PKP1: variants seen among roughly 807,000 people sequenced by gnomAD.
PKP1 encodes the protein plakophilin-1.
Under a neutral mutation model 76.4 loss-of-function variants are expected in PKP1, and 27 were observed. That is an observed-to-expected ratio of 0.35 (90% CI 0.26 to 0.49). PKP1 has a LOEUF of 0.49. PKP1 is among the 20% of genes least tolerant of loss of function. The pLI is 0.99. For missense variants in PKP1, 964 were observed against 955.2 expected (o/e 1.01, Z -0.12); for synonymous variants, 404 against 384.2 (o/e 1.05, Z -0.60).
chr1:201,318,894 A>C, intron 6 of PKP1, 99 bp downstream of exon 6: 2 of 1,016,196 alleles, frequency 2.0e-6, no homozygotes, highest in Non-Finnish European at 3.0e-6. Context: ...ATAGAACATA[A>C]CAGACAACCC....
chr1:201,316,498 C>T, intron 3 of PKP1, 55 bp from the exon 4 acceptor site: 1 of 1,544,912 alleles, frequency 6.5e-7, no homozygotes, highest in Non-Finnish European at 8.8e-7. Context: ...TCTGAGCCCC[C>T]TCAGCAGGGC....
intron 2 of PKP1, among the ~76,000 whole-genome samples, chr1:201,302,782 G>A (rs938358050): frequency 6.6e-6 from 1 of 152,256 alleles, no homozygotes; most frequent in Non-Finnish European, 1.5e-5. Flanking sequence ...GTGCCCAAGG[G>A]CGAGGCCTGG....
chr1:201,311,726 AGGCCCTAGGTTGCT>A (rs1467605866), intron 2 of PKP1, among the ~76,000 whole-genome samples: 2 of 152,206 alleles, frequency 1.3e-5, no homozygotes, highest in Non-Finnish European at 2.9e-5. Flanking sequence ...GTGGGCGGGC[AGGCCCTAGGTTGCT>A]GGGTTTGGCC....
chr1:201,301,876 G>A (rs36035870), intron 2 of PKP1, among the ~76,000 whole-genome samples: 3 of 152,060 alleles, frequency 2.0e-5, no homozygotes, highest in Non-Finnish European at 2.9e-5. Flanking sequence ...TGCAGCACAC[G>A]CTAACTTAAA....
At chr1:201,302,094 C>A (rs706494) in intron 2 of PKP1, among the ~76,000 whole-genome samples, 27,012 of 152,176 alleles carry the variant, frequency 0.18, 2,568 homozygotes, top group East Asian at 0.24. Flanking sequence ...CTCCAACCCG[C>A]GGCACCTGGT....
At position 201,331,921 on chromosome 1, in the gene PKP1, A is replaced by C. The variant is rs1657336220; in HGVS notation, c.*1880A>C. 1.3e-5 allele frequency: 2 copies of C among 152,480 alleles called. No individual in the cohort carries two copies. The highest frequency in any genetic ancestry group is 4.1e-4 in the South Asian group (2 of 4,822). 9.4% of individuals were successfully genotyped at this position (152,480 alleles called of 1,614,324 possible). A position where few individuals can be genotyped will look rare whatever the true frequency, so the allele number is the denominator to read the frequency against. ...CTGGACTGTCCTGGGCATAGGTTTC[A>C]GGGGCCTCCTTTGTTGTCATCAGAA... On this transcript the variant is annotated 3_prime_UTR_variant, in exon 14 of 14. Transcript: ENST00000367324.
Position 201,313,359 on chromosome 1 carries a change from T to C in PKP1, c.500T>C (p.Leu167Pro), listed in dbSNP as rs1488884276. Residue 167 changes from leucine (L) to proline (P), a missense_variant, in exon 3 of 14, where the codon CTG becomes CCG. Physicochemically the swap from Leu to Pro is moderately conservative, Grantham distance 98. Transcript: ENST00000367324. ...PDLYCDPRGT[L>P]RKGTLGSKGQ... The stretch of plus-strand genomic sequence containing the variant: ...CTCTACTGTGACCCACGGGGCACCC[T>C]GCGCAAGGGCACGCTGGGCAGCAAG... 2.5e-6 allele frequency: 4 copies of C among 1,583,834 alleles called. No individual in the cohort carries two copies. Among genetic ancestry groups the C allele is most frequent in the Non-Finnish European group, 2.6e-6 (3 of 1,164,760 alleles).
Position 201,322,912 on chromosome 1 carries a change from G to C in PKP1, c.1504-101G>C. ...GCGCTTCCTCAGCTTGCCCTATCTG[G>C]AACCACGACCCTGAGGCTGGGGGGA... On this transcript the variant is annotated intron_variant, in intron 8 of 13. Coordinates refer to ENST00000367324, the MANE Select transcript of PKP1 (RefSeq NM_001005337.3). The C allele has an allele frequency of 6.1e-6, 8 of 1,309,882 alleles. No individual in the cohort carries two copies. In the Admixed American group the frequency reaches 1.5e-4, roughly 25 times the overall value. The allele number at this position is 1,309,882 out of a possible 1,614,324, so 81.1% of individuals were successfully genotyped here. A position where few individuals can be genotyped will look rare whatever the true frequency, so the allele number is the denominator to read the frequency against.
chr1:201,298,128 C>A (rs766318892), intron 2 of PKP1, among the ~76,000 whole-genome samples: 2 of 152,198 alleles, frequency 1.3e-5, no homozygotes, highest in Non-Finnish European at 2.9e-5. Flanking sequence ...AGGGACCCAG[C>A]AGAATTACTT....
chr1:201,317,489 A>G (rs1266884078), intron 4 of PKP1, 83 bp from the exon 5 acceptor site: 24 of 1,264,180 alleles, frequency 1.9e-5, no homozygotes, highest in African/African-American at 4.4e-5. Flanking sequence ...TTGGTCTGAA[A>G]AAAAAAATCA....
intron 7 of PKP1, 102 bp from the exon 8 acceptor site, chr1:201,321,876 A>T (rs749824969): frequency 7.3e-7 from 1 of 1,365,352 alleles, no homozygotes; most frequent in Non-Finnish European, 1.0e-6. Context: ...TTCCCGATGC[A>T]GCCCAGGTGC....
chr1:201,316,522 C>T (rs535979703), intron 3 of PKP1, 31 bp from the exon 4 acceptor site: 69 of 1,580,742 alleles, frequency 4.4e-5, no homozygotes, highest in South Asian at 2.0e-4. Context: ...CAGCCCACCC[C>T]GTAACCACCC....
intron 2 of PKP1, among the ~76,000 whole-genome samples, chr1:201,294,518 C>T (rs533949172): frequency 6.6e-6 from 1 of 152,278 alleles, no homozygotes; most frequent in Non-Finnish European, 1.5e-5. Context: ...TCCCTGACAA[C>T]CCGACACATT....
intron 2 of PKP1, among the ~76,000 whole-genome samples, chr1:201,295,864 C>G (rs1194175859): frequency 6.9e-6 from 1 of 144,132 alleles, no homozygotes; most frequent in African/African-American, 2.6e-5. Context: ...TAAAGGAACT[C>G]TTTCGGGGAA....
At chr1:201,322,164 C>A in intron 8 of PKP1, 31 bp downstream of exon 8, 1 of 1,603,602 alleles carries the variant, frequency 6.2e-7, no homozygotes, top group Non-Finnish European at 8.5e-7. Context: ...GCGGGGCCTG[C>A]CCCATCAAGC....
At chr1:201,315,041 C>T (rs1201367132) in intron 3 of PKP1, among the ~76,000 whole-genome samples, 1 of 152,190 alleles carries the variant, frequency 6.6e-6, no homozygotes, top group Non-Finnish European at 1.5e-5. Context: ...AAGCAGAACC[C>T]CGTTATAGAG....
At chr1:201,329,580 G>A (rs748383230) in intron 13 of PKP1, among the ~76,000 whole-genome samples, 1 of 152,198 alleles carries the variant, frequency 6.6e-6, no homozygotes, top group Admixed American at 6.5e-5. Context: ...GGCCTCAGGG[G>A]CAGCCCAGCA....
At chr1:201,311,656 C>T (rs1035778976) in intron 2 of PKP1, among the ~76,000 whole-genome samples, 5 of 151,706 alleles carry the variant, frequency 3.3e-5, no homozygotes, top group African/African-American at 1.2e-4. Flanking sequence ...GGGAATTACC[C>T]AGTTGCCTAA....
chr1:201,318,854 G>A, intron 6 of PKP1, 59 bp downstream of exon 6: 6 of 1,413,428 alleles, frequency 4.2e-6, no homozygotes, highest in South Asian at 3.7e-5. Context: ...TCCCCAGGCA[G>A]CCCCATCTCA....
Sources: allele counts gnomAD v4.1 joint callset (sites outside exome capture counted in the v4.1 genomes callset), GRCh38; gene constraint gnomAD v4.1.1; transcripts MANE v1.5; gene names NCBI Gene and HGNC (gene_info 2026-07-23, HGNC 2026-07-21).